Variants in SHQ1 observed in about 807,000 individuals in gnomAD.
The protein encoded by SHQ1 is protein SHQ1 homolog.
SHQ1 carries 49 observed loss-of-function variants against 53.8 expected under a neutral mutation model. That is an observed-to-expected ratio of 0.91 (90% CI 0.72 to 1.16). The LOEUF is 1.16. SHQ1 is among the 50% of genes most tolerant of loss of function. The probability of loss-of-function intolerance (pLI) is 0.00; values close to 1 mark genes in which losing one functional copy is unlikely to be tolerated. For synonymous variants in SHQ1, 243 were observed against 251.0 expected (o/e 0.97, Z 0.30); for missense variants, 738 against 683.1 (o/e 1.08, Z -0.90).
Position 72,750,330 on chromosome 3 carries a change from C to G in SHQ1, c.1688G>C (p.Arg563Pro). Residue 563 changes from arginine to proline, a missense_variant, in exon 11 of 11, where the codon CGC becomes CCC. Coordinates refer to ENST00000325599, the MANE Select transcript of SHQ1 (RefSeq NM_018130.3). ...SEPKGTTAVNRSNIQERDGCQ... is the reference protein window; with the variant it reads ...SEPKGTTAVNPSNIQERDGCQ... The stretch of plus-strand genomic sequence containing the variant: ...GCCGTCTCTCTCCTGAATATTGCTG[C>G]GGTTTACAGCAGTGGTGCCCTTGGG... 6.2e-7 allele frequency: 1 copy of G among 1,613,832 alleles called. No homozygotes were observed. The highest frequency in any genetic ancestry group is 8.5e-7 in the Non-Finnish European group (1 of 1,179,924).
At chr3:72,733,143 G>A in the SHQ1 span, among the ~76,000 whole-genome samples, 1 of 151,576 alleles carries the variant, frequency 6.6e-6, no homozygotes, top group Non-Finnish European at 1.5e-5. Context: ...CCCCTGAGCT[G>A]CCCTCCCAGG....
chr3:72,792,811 A>G, intron 10 of SHQ1, 105 bp downstream of exon 10: 2 of 710,238 alleles, frequency 2.8e-6, no homozygotes, highest in East Asian at 7.3e-5. Context: ...AAAAAAAAAA[A>G]CACAACTTAC....
the SHQ1 span, among the ~76,000 whole-genome samples, chr3:72,733,668 C>T: frequency 6.6e-6 from 1 of 151,616 alleles, no homozygotes; most frequent in African/African-American, 2.4e-5. Flanking sequence ...AGCCCGGGAA[C>T]ATTTAATAAG....
the SHQ1 span, among the ~76,000 whole-genome samples, chr3:72,737,921 T>C: frequency 6.6e-6 from 1 of 152,224 alleles, no homozygotes; most frequent in Admixed American, 6.5e-5. Context: ...GGATAGTGAA[T>C]TGAGTTCTCC....
intron 10 of SHQ1, chr3:72,772,856 C>G: frequency 1.3e-6 from 1 of 775,856 alleles, no homozygotes; most frequent in Non-Finnish European, 2.4e-6. Flanking sequence ...GTTGCCCCAT[C>G]AAAATGGGAA....
Position 72,750,511 on chromosome 3 carries a change from G to C in SHQ1, c.1507C>G (p.Leu503Val). 6.2e-7 allele frequency: 1 copy of C among 1,614,190 alleles called. No homozygotes were observed. Among genetic ancestry groups the C allele is most frequent in the South Asian group, 1.1e-5 (1 of 91,082 alleles). Residue 503 changes from leucine to valine, a missense_variant, in exon 11 of 11, where the codon CTT (leucine) becomes GTT (valine). Physicochemically the swap from Leu to Val is conservative, Grantham distance 32. Coordinates refer to ENST00000325599, the MANE Select transcript of SHQ1 (RefSeq NM_018130.3). ...GPFLEESSAF[L>V]IVDGGVRRNT... is the part of the protein sequence containing the mutation. ...CTGCGTACTCCACCATCAACAATAA[G>C]AAAGGCACTGCTTTCTTCAAGAAAG...
At chr3:72,782,454 C>A (rs1441039313) in intron 10 of SHQ1, among the ~76,000 whole-genome samples, 1 of 152,124 alleles carries the variant, frequency 6.6e-6, no homozygotes, top group Admixed American at 6.5e-5. Context: ...CACTCCATGC[C>A]CAAAGATATG....
chr3:72,773,669 AG>A (rs936285475), intron 10 of SHQ1, among the ~76,000 whole-genome samples: 75 of 152,118 alleles, frequency 4.9e-4, no homozygotes, highest in African/African-American at 1.8e-3. Context: ...ATTCAAAGAA[AG>A]GTGGTGAGAC....
At chr3:72,773,342 C>T in intron 10 of SHQ1, 6 of 572,098 alleles carry the variant, frequency 1.0e-5, no homozygotes, top group Admixed American at 9.0e-5. Context: ...AATGAGTATA[C>T]TCCAACAAGG....
At chr3:72,742,391 A>G in the SHQ1 span, among the ~76,000 whole-genome samples, 1 of 152,144 alleles carries the variant, frequency 6.6e-6, no homozygotes, top group African/African-American at 2.4e-5. Context: ...CCAGTGCAAT[A>G]GGAATAAATG....
At chr3:72,848,117 G>A in intron 1 of SHQ1, 81 bp downstream of exon 1, 1 of 1,549,690 alleles carries the variant, frequency 6.5e-7, no homozygotes, top group Non-Finnish European at 8.9e-7. Context: ...ATCGAGCACT[G>A]CTCTCTCGAC....
the SHQ1 span, among the ~76,000 whole-genome samples, chr3:72,740,121 T>C: frequency 6.6e-6 from 1 of 152,156 alleles, no homozygotes; most frequent in Non-Finnish European, 1.5e-5. Context: ...TTGTGCTCCA[T>C]CCTCCATCTC....
At chr3:72,742,754 A>G in the SHQ1 span, among the ~76,000 whole-genome samples, 4 of 151,750 alleles carry the variant, frequency 2.6e-5, no homozygotes, top group South Asian at 6.2e-4. Context: ...CCTCCCAAGT[A>G]GCTGGGACTA....
chr3:72,807,704 AAT>A (rs1706993349), intron 9 of SHQ1, among the ~76,000 whole-genome samples: 1 of 152,216 alleles, frequency 6.6e-6, no homozygotes, highest in African/African-American at 2.4e-5. Flanking sequence ...GCCAAACCTC[AAT>A]GTTTTAAACA....
intron 4 of SHQ1, among the ~76,000 whole-genome samples, chr3:72,840,242 T>TAAAAAAAAAAAAA (rs71623990): frequency 1.1e-5 from 1 of 93,592 alleles, no homozygotes; most frequent in African/African-American, 4.5e-5. Context: ...GACTCTGTCT[T>TAAAAAAAAAAAAA]AAAAAAAAAA....
chr3:72,784,513 C>T (rs999127051), intron 10 of SHQ1, among the ~76,000 whole-genome samples: 30 of 152,224 alleles, frequency 2.0e-4, no homozygotes, highest in African/African-American at 6.8e-4. Flanking sequence ...TAAAAACCCA[C>T]TTCCATCCAG....
intron 9 of SHQ1, among the ~76,000 whole-genome samples, chr3:72,796,101 C>CAAAAAAAAAAAAAAAAA (rs555086403): frequency 4.9e-5 from 2 of 40,520 alleles, no homozygotes; most frequent in African/African-American, 7.1e-5. Context: ...GACTCCATCT[C>CAAAAAAAAAAAAAAAAA]AAAAAAAAAA....
At chr3:72,753,762 G>A (rs567243513) in intron 10 of SHQ1, 3 of 435,428 alleles carry the variant, frequency 6.9e-6, no homozygotes, top group African/African-American at 4.3e-5. Flanking sequence ...ATCAGTCTGA[G>A]GCATTTTTAA....
intron 5 of SHQ1, among the ~76,000 whole-genome samples, chr3:72,826,885 A>T (rs575981148): frequency 5.3e-5 from 8 of 152,324 alleles, no homozygotes; most frequent in African/African-American, 1.9e-4. Flanking sequence ...ATCCCTACCA[A>T]CTAAACACTT....
Sources: gnomAD v4.1 joint callset for allele counts (sites outside exome capture counted in the v4.1 genomes callset) on GRCh38, gnomAD v4.1.1 for gene constraint, MANE v1.5 for transcripts, NCBI Gene and HGNC (gene_info 2026-07-23, HGNC 2026-07-21) for gene names.